Variants in ZNF814 observed in about 807,000 individuals in gnomAD.
ZNF814 encodes zinc finger protein 814.
ZNF814 carries 5 observed loss-of-function variants against 7.5 expected under a neutral mutation model. The observed-to-expected ratio is 0.67, with a 90% CI of 0.35 to 1.40. ZNF814 has a LOEUF of 1.40. Among genes scored for constraint, ZNF814 ranks in the 40% most tolerant of loss-of-function variants. The probability of loss-of-function intolerance (pLI) is 0.04; values close to 1 mark genes in which losing one functional copy is unlikely to be tolerated. For missense variants in ZNF814, 962 were observed against 1,018.0 expected (o/e 0.94, Z 0.75); for synonymous variants, 315 against 340.7 (o/e 0.92, Z 0.83).
In ZNF814 at chr19:57,873,869, G is replaced by A. The variant is rs768333799; in HGVS notation, c.1521C>T (p.Leu507=). Residue 507 remains leucine, a synonymous_variant, in exon 3 of 3, where the codon CTC becomes CTT. Coordinates refer to ENST00000435989, the MANE Select transcript of ZNF814 (RefSeq NM_001144989.2). ...CGKSFSQKGN[L]VLHQRVHTGA... is the part of the protein sequence containing the mutation. ...CAGTGTGAACTCGCTGGTGTAGAAC[G>A]AGGTTGCCCTTTTGACTGAAAGATT... 9.3e-5 allele frequency: 146 copies of A among 1,563,624 alleles called. No homozygotes were observed. Among genetic ancestry groups the A allele is most frequent in the Non-Finnish European group, 1.2e-4 (137 of 1,154,750 alleles).
In ZNF814 at chr19:57,889,006, C is replaced by T. The variant is rs575539703; in HGVS notation, c.-204G>A. Reference sequence around the variant, plus strand: ...GTGCGGACCTAGCGCTCAGGAGCCTCTCCTACAAATAAATCCAACACCAAT... The same window carrying T: ...GTGCGGACCTAGCGCTCAGGAGCCTTTCCTACAAATAAATCCAACACCAAT... On this transcript the variant is annotated 5_prime_UTR_variant, in exon 1 of 3. Coordinates refer to ENST00000435989, the MANE Select transcript of ZNF814 (RefSeq NM_001144989.2). The T allele has an allele frequency of 1.7e-6, 1 of 584,654 alleles. No homozygotes were observed. Among genetic ancestry groups the T allele is most frequent in the Non-Finnish European group, 3.0e-6 (1 of 330,722 alleles). 36.2% of individuals were successfully genotyped at this position (584,654 alleles called of 1,614,324 possible).
At chr19:57,900,839 ATTTTTTTTTT>A in the ZNF814 span, among the ~76,000 whole-genome samples, 7 of 45,782 alleles carry the variant, frequency 1.5e-4, no homozygotes, top group Non-Finnish European at 1.9e-4. Flanking sequence ...CCATGGCTGC[ATTTTTTTTTT>A]TTTTTTTTTT....
At chr19:57,898,895 G>T in the ZNF814 span, among the ~76,000 whole-genome samples, 1 of 149,648 alleles carries the variant, frequency 6.7e-6, no homozygotes, top group African/African-American at 2.5e-5. Flanking sequence ...AGCTGAGATC[G>T]TGCCACTGCA....
chr19:57,890,338 TTTG>T (rs201670274), upstream of ZNF814, among the ~76,000 whole-genome samples: 11 of 152,186 alleles, frequency 7.2e-5, no homozygotes, highest in East Asian at 7.7e-4. Context: ...ACTGGGGTTT[TTTG>T]TTGTTGTTGT....
In ZNF814 at chr19:57,884,485, C is replaced by T. The variant is rs1268918755; in HGVS notation, c.36+4282G>A. Reference sequence around the variant, plus strand: ...AAAAGCTAGCCAAGGCAAGGTGGCACATGCCTGTGGTGGTCCCTGCCACTT... The same window carrying T: ...AAAAGCTAGCCAAGGCAAGGTGGCATATGCCTGTGGTGGTCCCTGCCACTT... On this transcript the variant is annotated intron_variant, in intron 1 of 2. Transcript: ENST00000435989. 2.0e-5 allele frequency among the ~76,000 whole-genome samples: 3 copies of T among 152,186 alleles called. No homozygotes were observed. In the East Asian group the frequency reaches 5.8e-4, roughly 29 times the overall value.
upstream of ZNF814, among the ~76,000 whole-genome samples, chr19:57,889,940 C>T (rs963470248): frequency 1.3e-5 from 2 of 152,138 alleles, no homozygotes; most frequent in African/African-American, 2.4e-5. Flanking sequence ...GATCATCCTG[C>T]CTCTCCTTAG....
upstream of ZNF814, among the ~76,000 whole-genome samples, chr19:57,893,443 G>A (rs374854777): frequency 4.6e-5 from 7 of 151,768 alleles, no homozygotes; most frequent in African/African-American, 1.4e-4. Context: ...CAAAGTGCTG[G>A]AATTACAGGC....
chr19:57,875,263 C>T, intron 2 of ZNF814, 37 bp from the exon 3 acceptor site: 2 of 1,527,282 alleles, frequency 1.3e-6, no homozygotes, highest in South Asian at 1.3e-5. Context: ...TGCATGTTAA[C>T]TCTGGTGGGA....
At chr19:57,886,852 G>A (rs1156861993) in intron 1 of ZNF814, among the ~76,000 whole-genome samples, 1 of 144,110 alleles carries the variant, frequency 6.9e-6, no homozygotes, top group Non-Finnish European at 1.5e-5. Flanking sequence ...TGCACTCCAG[G>A]CTGGGTGACA....
chr19:57,870,990 AAAAAAAAAG>A lies in ZNF814; in HGVS notation c.*1823_*1831del, dbSNP rs1192123468. 2.0e-5 allele frequency: 3 copies of A among 147,756 alleles called. No homozygotes were observed. Among genetic ancestry groups the A allele is most frequent in the Non-Finnish European group, 3.0e-5 (2 of 67,784 alleles). The allele number at this position is 147,756 out of a possible 1,614,324, so 9.2% of individuals were successfully genotyped here. A position where few individuals can be genotyped will look rare whatever the true frequency, so the allele number is the denominator to read the frequency against. On this transcript the variant is annotated 3_prime_UTR_variant, in exon 3 of 3. Transcript: ENST00000435989. Reference sequence around the variant, plus strand: ...GTGAGGCTCTGCCTCAAAAAAAAAGAAAAAAAAAGAAAAAAAAGACATGAGTTGCAGTTA... The same window carrying A: ...GTGAGGCTCTGCCTCAAAAAAAAAGAAAAAAAAAGACATGAGTTGCAGTTA...
At chr19:57,904,217 C>T in the ZNF814 span, among the ~76,000 whole-genome samples, 2 of 152,194 alleles carry the variant, frequency 1.3e-5, no homozygotes, top group Non-Finnish European at 2.9e-5. Flanking sequence ...ATCACAGCTA[C>T]GCTTGATGCA....
chr19:57,904,867 A>G, the ZNF814 span, among the ~76,000 whole-genome samples: 1 of 151,800 alleles, frequency 6.6e-6, no homozygotes, highest in Admixed American at 6.6e-5. Context: ...CTTGATCAAC[A>G]TGGAGAAACC....
At chr19:57,884,236 TA>T (rs2071671317) in intron 1 of ZNF814, among the ~76,000 whole-genome samples, 1 of 152,158 alleles carries the variant, frequency 6.6e-6, no homozygotes, top group African/African-American at 2.4e-5. Flanking sequence ...AGGGATTAAT[TA>T]CCAGAATATA....
At position 57,886,917 on chromosome 19, in the gene ZNF814, G is replaced by T. The variant is rs147624441; in HGVS notation, c.36+1850C>A. On this transcript the variant is annotated intron_variant, in intron 1 of 2. Transcript: ENST00000435989. Reference sequence around the variant, plus strand: ...AAATAAATAAAATAGGCTGAGTGTGGTGGCTTATGCCTGTAATCCTAGCAA... The same window carrying T: ...AAATAAATAAAATAGGCTGAGTGTGTTGGCTTATGCCTGTAATCCTAGCAA... Among the ~76,000 whole-genome samples the T allele has an allele frequency of 4.8e-3, 732 of 152,060 alleles. 5 individuals carry two copies. The highest frequency in any genetic ancestry group is 0.017 in the African/African-American group (711 of 41,466).
At position 57,873,671 on chromosome 19, in the gene ZNF814, T is replaced by A. The variant is rs769972948; in HGVS notation, c.1719A>T (p.Glu573Asp). 1 of 1,613,986 alleles carries A rather than the reference T, an allele frequency of 6.2e-7. No homozygotes were observed. Among genetic ancestry groups the A allele is most frequent in the Non-Finnish European group, 8.5e-7 (1 of 1,179,962 alleles). Reference protein sequence around the residue: ...LILHQRVHPRERSYGCGECGK... With the variant: ...LILHQRVHPRDRSYGCGECGK... ...CACATTCTCCACACCCATAAGATCT[T>A]TCTCTAGGGTGAACTCGCTGATGTA... The change falls in exon 3 of 3, where the codon GAA becomes GAT. Residue 573 changes from glutamate (E) to aspartate (D), a missense_variant. Physicochemically the swap from Glu to Asp is conservative, Grantham distance 45 (BLOSUM62 2). This residue lies in a region of ZNF814 where 665 missense variants were observed against 551.4 expected (regional missense o/e 1.21). Coordinates refer to ENST00000435989, the MANE Select transcript of ZNF814 (RefSeq NM_001144989.2).
chr19:57,885,453 A>G (rs1212853039), intron 1 of ZNF814, among the ~76,000 whole-genome samples: 1 of 151,886 alleles, frequency 6.6e-6, no homozygotes, highest in Non-Finnish European at 1.5e-5. Context: ...AGATGGTGAA[A>G]CCCCATCTCT....
At chr19:57,898,400 C>G in the ZNF814 span, among the ~76,000 whole-genome samples, 7 of 152,120 alleles carry the variant, frequency 4.6e-5, no homozygotes, top group Admixed American at 1.3e-4. Context: ...TGAAAGTGAC[C>G]AACCAGAACC....
rs1238215575 is a variant in ZNF814 at position 57,873,121 on chromosome 19, A to G, written c.2269T>C (p.Ser757Pro). 1 of 1,613,846 alleles carries G rather than the reference A, an allele frequency of 6.2e-7. No individual in the cohort carries two copies. The highest frequency in any genetic ancestry group is 1.7e-5 in the Admixed American group (1 of 59,996). ...ATTCGCTTATGAACACAGAATGTAG[A>G]GCTGTGGGTAAATGATTTTCCACAA... ...NDCGKSFTHS[S>P]TFCVHKRIHT... is the part of the protein sequence containing the mutation. The change falls in exon 3 of 3, where the codon TCT becomes CCT. Residue 757 changes from serine (S) to proline (P), a missense_variant. Coordinates refer to ENST00000435989, the MANE Select transcript of ZNF814 (RefSeq NM_001144989.2).
rs1363320821 is a variant in ZNF814, at chr19:57,874,255, G to C, written c.1135C>G (p.Pro379Ala). The C allele has an allele frequency of 8.2e-6, 13 of 1,583,398 alleles. No individual in the cohort carries two copies. Among genetic ancestry groups the C allele is most frequent in the Non-Finnish European group, 1.1e-5 (13 of 1,164,756 alleles). The change falls in exon 3 of 3, where the codon CCT becomes GCT. Residue 379 changes from proline (P) to alanine (A), a missense_variant. Physicochemically the swap from Pro to Ala is conservative, Grantham distance 27. This residue lies in a region of ZNF814 where 13 missense variants were observed against 27.7 expected (regional missense o/e 0.47). Transcript: ENST00000435989. ...NHQRVHTGKRPYECGECGKSF... is the reference protein window; with the variant it reads ...NHQRVHTGKRAYECGECGKSF... ...TTCCCACATTCTCCACATTCATAAG[G>C]TCTTTTCCCAGTGTGAACTCTCTGA...
Sources: allele counts gnomAD v4.1 joint callset (sites outside exome capture counted in the v4.1 genomes callset), GRCh38; gene constraint gnomAD v4.1.1; regional missense constraint gnomAD v4.1.1; transcripts MANE v1.5; gene names NCBI Gene and HGNC (gene_info 2026-07-23, HGNC 2026-07-21).